Variants in CDH13 observed in about 807,000 individuals in gnomAD.
The protein encoded by CDH13 is cadherin 13, also known as cadherin-13.
Under a neutral mutation model 63.8 loss-of-function variants are expected in CDH13, and 24 were observed. The ratio of observed to expected loss-of-function variants is 0.38; its 90% CI spans 0.27 to 0.53. The LOEUF is 0.53. CDH13 is among the 20% of genes least tolerant of loss of function. CDH13 has a pLI of 0.85. For synonymous variants in CDH13, 503 were observed against 355.3 expected, an observed-to-expected ratio of 1.42 and a Z score of -4.67; for missense variants, 1,049 against 903.1, an observed-to-expected ratio of 1.16 and a Z score of -2.07.
chr16:83,771,407 C>A (rs552857047), intron 11 of CDH13, among the ~76,000 whole-genome samples: 1 of 152,140 alleles, frequency 6.6e-6, no homozygotes, highest in Non-Finnish European at 1.5e-5. Flanking sequence ...GTGGTCCTAT[C>A]GTGGTCATAT....
chr16:83,200,136 G>A (rs1351291611), intron 4 of CDH13, among the ~76,000 whole-genome samples: 1 of 152,142 alleles, frequency 6.6e-6, no homozygotes, highest in Non-Finnish European at 1.5e-5. Flanking sequence ...CTCAGAGTCA[G>A]AAGGGACCTC....
At chr16:82,765,129 C>G (rs532592009) in intron 1 of CDH13, among the ~76,000 whole-genome samples, 137 of 152,252 alleles carry the variant, frequency 9.0e-4, no homozygotes, top group African/African-American at 3.2e-3. Flanking sequence ...GTGGAAGCCC[C>G]TTAGCTCCAT....
At chr16:83,493,795 A>T (rs1488809861) in intron 7 of CDH13, among the ~76,000 whole-genome samples, 1 of 152,224 alleles carries the variant, frequency 6.6e-6, no homozygotes, top group Non-Finnish European at 1.5e-5. Flanking sequence ...GCATTCACAG[A>T]GCTGTGACTT....
chr16:83,573,672 GT>G (rs1904850041), intron 7 of CDH13, among the ~76,000 whole-genome samples: 1 of 152,180 alleles, frequency 6.6e-6, no homozygotes, highest in East Asian at 1.9e-4. Flanking sequence ...AAAAACAAAG[GT>G]AGAAGGAAGC....
chr16:83,646,712 A>AAAACCAC, intron 8 of CDH13, among the ~76,000 whole-genome samples: 1 of 80,526 alleles, frequency 1.2e-5, no homozygotes, highest in African/African-American at 4.5e-5. Flanking sequence ...AAAAAAAAAA[A>AAAACCAC]ACACACACAC....
chr16:83,483,491 T>A (rs949463041), intron 6 of CDH13, among the ~76,000 whole-genome samples: 1 of 151,186 alleles, frequency 6.6e-6, no homozygotes, highest in Admixed American at 6.6e-5. Context: ...CTTCCTCTAA[T>A]CATTTTAATG....
chr16:83,031,034 T>A (rs1056700060), intron 2 of CDH13, among the ~76,000 whole-genome samples: 1 of 151,320 alleles, frequency 6.6e-6, no homozygotes. Context: ...GGCAAGAAAA[T>A]GTGGCCCACT....
intron 5 of CDH13, among the ~76,000 whole-genome samples, chr16:83,283,285 G>A (rs181557367): frequency 6.6e-6 from 1 of 152,276 alleles, no homozygotes; most frequent in Admixed American, 6.5e-5. Context: ...GGGACCCAAT[G>A]TATTTTAAAA....
intron 1 of CDH13, among the ~76,000 whole-genome samples, chr16:82,690,186 A>AAC (rs1567630584): frequency 7.0e-6 from 1 of 142,300 alleles, no homozygotes; most frequent in East Asian, 2.0e-4. Context: ...AAAAAAAAAA[A>AAC]TCTTCTCATG....
At chr16:83,698,773 C>A (rs1905769488) in intron 10 of CDH13, among the ~76,000 whole-genome samples, 1 of 152,234 alleles carries the variant, frequency 6.6e-6, no homozygotes, top group South Asian at 2.1e-4. Context: ...TGGCAAGTTT[C>A]TTCTATAAAG....
At chr16:83,064,410 A>G (rs2031834680) in intron 3 of CDH13, among the ~76,000 whole-genome samples, 1 of 152,164 alleles carries the variant, frequency 6.6e-6, no homozygotes, top group Non-Finnish European at 1.5e-5. Context: ...TCATTTAGGA[A>G]CAGATTTTTT....
At chr16:83,763,734 C>G (rs1447574631) in intron 11 of CDH13, among the ~76,000 whole-genome samples, 1 of 151,268 alleles carries the variant, frequency 6.6e-6, no homozygotes, top group South Asian at 2.1e-4. Context: ...GATGACCCAG[C>G]CATCATTCCG....
At chr16:83,776,337 A>C (rs1915112874) in intron 11 of CDH13, among the ~76,000 whole-genome samples, 1 of 152,222 alleles carries the variant, frequency 6.6e-6, no homozygotes, top group African/African-American at 2.4e-5. Context: ...AGAGAAAAAT[A>C]ATTTTTCAGT....
chr16:83,447,630 G>A (rs1275863452), intron 6 of CDH13, among the ~76,000 whole-genome samples: 2 of 151,978 alleles, frequency 1.3e-5, no homozygotes, highest in Non-Finnish European at 2.9e-5. Context: ...TGTGAAAACA[G>A]GTCAAGAGGA....
intron 10 of CDH13, among the ~76,000 whole-genome samples, chr16:83,694,912 T>C (rs776470542): frequency 1.3e-5 from 2 of 151,994 alleles, no homozygotes; most frequent in Non-Finnish European, 2.9e-5. Context: ...AAATCAAAAC[T>C]AATGCAAAAA....
intron 11 of CDH13, among the ~76,000 whole-genome samples, chr16:83,749,754 G>T (rs183140668): frequency 3.3e-5 from 5 of 152,262 alleles, no homozygotes; most frequent in African/African-American, 1.2e-4. Context: ...TATTTGGAAG[G>T]TTAGTCAAGT....
At chr16:83,562,638 C>A (rs1371351532) in intron 7 of CDH13, among the ~76,000 whole-genome samples, 2 of 152,156 alleles carry the variant, frequency 1.3e-5, no homozygotes, top group Non-Finnish European at 2.9e-5. Context: ...CTTCATGAAC[C>A]TTCAACCTTC....
chr16:82,911,838 G>T (rs548817098), intron 2 of CDH13, among the ~76,000 whole-genome samples: 1 of 151,962 alleles, frequency 6.6e-6, no homozygotes, highest in South Asian at 2.1e-4. Context: ...CAAAAGCCCC[G>T]TGAGTGGCTG....
chr16:83,784,104 A>T (rs1271514899), intron 13 of CDH13, among the ~76,000 whole-genome samples: 1 of 152,246 alleles, frequency 6.6e-6, no homozygotes, highest in East Asian at 1.9e-4. Flanking sequence ...TGTTAACTTT[A>T]GCCGTTATTC....
Sources: allele counts gnomAD v4.1 joint callset (sites outside exome capture counted in the v4.1 genomes callset), GRCh38; gene constraint gnomAD v4.1.1; transcripts MANE v1.5; gene names NCBI Gene and HGNC (gene_info 2026-07-23, HGNC 2026-07-21).